The following MYO6 variants were observed in gnomAD, a reference collection of about 807,000 sequenced individuals.
MYO6 encodes the protein unconventional myosin-VI.
In MYO6, 74 loss-of-function variants were observed where a neutral mutation model predicts 178.7. The ratio of observed to expected loss-of-function variants is 0.41; its 90% CI spans 0.34 to 0.50. The LOEUF is 0.50. Among genes scored for constraint, MYO6 ranks in the 20% least tolerant of loss-of-function variants. The probability of loss-of-function intolerance (pLI) is 0.09; values close to 1 mark genes in which losing one functional copy is unlikely to be tolerated. For synonymous variants in MYO6, 477 were observed against 504.6 expected (o/e 0.95, Z 0.73); for missense variants, 1,330 against 1,547.4 (o/e 0.86, Z 2.36).
chr6:75,831,667 G>A (rs903676909), intron 5 of MYO6, among the ~76,000 whole-genome samples: 7 of 152,040 alleles, frequency 4.6e-5, no homozygotes, highest in African/African-American at 1.5e-4. Context: ...CGGGGAGGGC[G>A]GATCGCTTGA....
intron 14 of MYO6, among the ~76,000 whole-genome samples, chr6:75,860,323 A>G (rs1210162023): frequency 1.3e-5 from 2 of 152,246 alleles, no homozygotes; most frequent in Non-Finnish European, 2.9e-5. Flanking sequence ...CTTACCAGTA[A>G]GATAATTTCT....
intron 1 of MYO6, among the ~76,000 whole-genome samples, chr6:75,793,874 A>G (rs1466544484): frequency 6.6e-6 from 1 of 152,228 alleles, no homozygotes. Context: ...AGATGTGCCC[A>G]GTTACTCTAG....
chr6:75,909,892 TA>T (rs1388043077), intron 32 of MYO6, among the ~76,000 whole-genome samples: 1 of 152,188 alleles, frequency 6.6e-6, no homozygotes, highest in Non-Finnish European at 1.5e-5. Context: ...AGTGTTTAAA[TA>T]AAGTCAATTT....
chr6:75,853,138 T>C (rs1314548391), intron 11 of MYO6, among the ~76,000 whole-genome samples: 2 of 152,234 alleles, frequency 1.3e-5, no homozygotes, highest in Non-Finnish European at 2.9e-5. Flanking sequence ...TATATCTTTT[T>C]TGGAGAAGTG....
intron 1 of MYO6, among the ~76,000 whole-genome samples, chr6:75,755,320 A>G (rs545055277): frequency 2.0e-5 from 3 of 152,310 alleles, no homozygotes; most frequent in African/African-American, 4.8e-5. Context: ...GTAGTCCCAA[A>G]GTAGTAAGTC....
chr6:75,794,740 T>G lies in MYO6; in HGVS notation c.-47-22761T>G, dbSNP rs796077541. Among the ~76,000 whole-genome samples the G allele has an allele frequency of 1.8e-3, 206 of 116,448 alleles. 1 individual carries two copies. Among genetic ancestry groups the G allele is most frequent in the African/African-American group, 0.011 (193 of 17,710 alleles). The allele number at this position is 116,448 out of a possible 152,430, so 76.4% of individuals were successfully genotyped here. On this transcript the variant is annotated intron_variant, in intron 1 of 34. Transcript: ENST00000369977. ...TTGTTGGTTATATAAGCAAAAAAAA[T>G]AAAAAAAATAAAAAAAAAAATAAAA... is the stretch of plus-strand genomic sequence containing the variant.
intron 1 of MYO6, among the ~76,000 whole-genome samples, chr6:75,797,967 T>A (rs1769034435): frequency 6.6e-6 from 1 of 152,248 alleles, no homozygotes; most frequent in South Asian, 2.1e-4. Flanking sequence ...TTTTTTACTT[T>A]TTATTAAAAG....
At chr6:75,749,790 G>C (rs1582947434) in intron 1 of MYO6, among the ~76,000 whole-genome samples, 1 of 152,272 alleles carries the variant, frequency 6.6e-6, no homozygotes, top group East Asian at 1.9e-4. Flanking sequence ...CAGTGCAGGG[G>C]GAGCGCAGTT....
intron 6 of MYO6, among the ~76,000 whole-genome samples, 188 bp downstream of exon 6, chr6:75,833,135 T>C (rs564497187): frequency 1.3e-5 from 2 of 152,312 alleles, no homozygotes; most frequent in Admixed American, 1.3e-4. Context: ...TATAGGCACA[T>C]GCCACCATGC....
intron 7 of MYO6, among the ~76,000 whole-genome samples, chr6:75,838,783 T>C (rs1387226688): frequency 1.3e-5 from 2 of 151,696 alleles, no homozygotes; most frequent in Non-Finnish European, 2.9e-5. Context: ...TGCCTCAGGC[T>C]CCTGAGTAGC....
intron 9 of MYO6, among the ~76,000 whole-genome samples, chr6:75,842,744 A>G (rs1003378680): frequency 1.3e-5 from 2 of 152,224 alleles, no homozygotes; most frequent in African/African-American, 4.8e-5. Flanking sequence ...ATGAAATATA[A>G]TAATGATGAT....
intron 10 of MYO6, 68 bp downstream of exon 10, chr6:75,845,045 AT>A: frequency 7.6e-7 from 1 of 1,319,786 alleles, no homozygotes; most frequent in Non-Finnish European, 1.1e-6. Context: ...ATGTGTTATA[AT>A]TTTTATTTTA....
At chr6:75,885,483 G>A (rs1778356856) in intron 23 of MYO6, among the ~76,000 whole-genome samples, 1 of 150,184 alleles carries the variant, frequency 6.7e-6, no homozygotes, top group African/African-American at 2.5e-5. Context: ...GAGTCTTGCT[G>A]TGTCACCCAG....
chr6:75,898,263 TTG>T, intron 29 of MYO6, 108 bp from the exon 30 acceptor site: 1 of 712,742 alleles, frequency 1.4e-6, no homozygotes, highest in Non-Finnish European at 2.3e-6. Flanking sequence ...TTATGAACAG[TTG>T]TTAAATAATA....
intron 9 of MYO6, 64 bp from the exon 10 acceptor site, chr6:75,844,833 T>C: frequency 1.5e-6 from 2 of 1,342,230 alleles, no homozygotes; most frequent in South Asian, 2.4e-5. Context: ...TAAGTTGTGT[T>C]TTCTCCTGTA....
intron 1 of MYO6, among the ~76,000 whole-genome samples, chr6:75,758,575 C>T (rs1373806489): frequency 2.0e-5 from 3 of 152,028 alleles, no homozygotes; most frequent in Admixed American, 6.5e-5. Flanking sequence ...ATTCTCCTGC[C>T]TCAGCCTCCC....
At chr6:75,830,300 G>A in intron 4 of MYO6, 116 bp from the exon 5 acceptor site, 1 of 880,790 alleles carries the variant, frequency 1.1e-6, no homozygotes, top group Non-Finnish European at 1.8e-6. Context: ...TGATTTGGGA[G>A]TCTTAGTTAT....
intron 25 of MYO6, 65 bp from the exon 26 acceptor site, chr6:75,889,992 T>C: frequency 2.7e-6 from 3 of 1,128,860 alleles, no homozygotes; most frequent in South Asian, 2.5e-5. Context: ...TTGTTAAGTA[T>C]ATTCACATTG....
At chr6:75,778,482 A>C (rs778864765) in intron 1 of MYO6, among the ~76,000 whole-genome samples, 1 of 152,020 alleles carries the variant, frequency 6.6e-6, no homozygotes, top group South Asian at 2.1e-4. Context: ...CTGTAGTCCC[A>C]GCTACTCAGG....
Sources: gnomAD v4.1 joint callset for allele counts (sites outside exome capture counted in the v4.1 genomes callset) on GRCh38, gnomAD v4.1.1 for gene constraint, MANE v1.5 for transcripts, NCBI Gene and HGNC (gene_info 2026-07-23, HGNC 2026-07-21) for gene names.